Variants in ZBTB7A observed in about 807,000 individuals in gnomAD.
ZBTB7A encodes zinc finger and BTB domain containing 7A, also known as zinc finger and BTB domain-containing protein 7A.
Under a neutral mutation model 26.7 loss-of-function variants are expected in ZBTB7A, and 7 were observed. The observed-to-expected ratio is 0.26, with a 90% CI of 0.15 to 0.49. The LOEUF is 0.49. Ranked by LOEUF, ZBTB7A falls within the 20% of genes least tolerant of loss-of-function variation. The pLI is 0.98. For synonymous variants in ZBTB7A, 452 were observed against 441.0 expected (o/e 1.02, Z -0.31); for missense variants, 617 against 919.5 (o/e 0.67, Z 4.25).
At position 4,054,946 on chromosome 19, in the gene ZBTB7A, G is replaced by A. The variant is rs1381697063; in HGVS notation, c.287C>T (p.Thr96Met). 1 of 1,611,832 alleles carries A rather than the reference G, an allele frequency of 6.2e-7. No individual in the cohort carries two copies. Among genetic ancestry groups the A allele is most frequent in the Non-Finnish European group, 8.5e-7 (1 of 1,179,720 alleles). ...TALMDFAYTA[T>M]LTVSTANVGD... ...CACGTTGGCTGTGCTGACGGTGAGC[G>A]TGGCCGTGTAGGCGAAGTCCATGAG... The change falls in exon 2 of 3, where the codon ACG (threonine) becomes ATG (methionine). Residue 96 changes from threonine to methionine, a missense_variant. Coordinates refer to ENST00000322357, the MANE Select transcript of ZBTB7A (RefSeq NM_015898.4).
rs548955469 is a variant in ZBTB7A at position 4,050,851 on chromosome 19, C to T, written c.1263-2607G>A. ...TGGTGGCTCACACCTGTAACCCCAG[C>T]GCTTTGGGAGGCTAAGGCGGGCAGA... On this transcript the variant is annotated intron_variant, in intron 2 of 2. Transcript: ENST00000322357. Among the ~76,000 whole-genome samples, 5 of 152,100 alleles carry T rather than the reference C, an allele frequency of 3.3e-5. No individual in the cohort carries two copies. In the South Asian group the frequency reaches 6.2e-4, roughly 19 times the overall value.
At position 4,043,847 on chromosome 19, in the gene ZBTB7A, C is replaced by T. The variant is rs1196888722; in HGVS notation, c.*3905G>A. Among the ~76,000 whole-genome samples, 1 of 122,018 alleles carries T rather than the reference C, an allele frequency of 8.2e-6. No individual in the cohort carries two copies. Among genetic ancestry groups the T allele is most frequent in the Non-Finnish European group, 1.8e-5 (1 of 56,550 alleles). The allele number at this position is 122,018 out of a possible 152,430, so 80.0% of individuals were successfully genotyped here. A position where few individuals can be genotyped will look rare whatever the true frequency, so the allele number is the denominator to read the frequency against. On this transcript the variant is annotated 3_prime_UTR_variant, in exon 3 of 3. Coordinates refer to ENST00000322357, the MANE Select transcript of ZBTB7A (RefSeq NM_015898.4). The stretch of plus-strand genomic sequence containing the variant: ...CGTCCTGCGCCAGCCACCCACCACC[C>T]CCCCCCCCCCACCTCCAGGAAGGCT...
intron 1 of ZBTB7A, 190 bp from the exon 2 acceptor site, chr19:4,055,437 A>G: frequency 1.0e-6 from 1 of 985,280 alleles, no homozygotes; most frequent in Admixed American, 6.1e-5. Flanking sequence ...TGTGCACCAA[A>G]GCGATACATG....
intron 2 of ZBTB7A, among the ~76,000 whole-genome samples, chr19:4,051,318 A>G (rs2040502532): frequency 6.6e-6 from 1 of 151,948 alleles, no homozygotes; most frequent in Non-Finnish European, 1.5e-5. Context: ...CACTCAATAG[A>G]CTGAAGACTT....
At position 4,055,083 on chromosome 19, in the gene ZBTB7A, C is replaced by T. The variant is rs751772937; in HGVS notation, c.150G>A (p.Ser50=). 1.2e-6 allele frequency: 2 copies of T among 1,610,062 alleles called. No individual in the cohort carries two copies. Among genetic ancestry groups the T allele is most frequent in the Non-Finnish European group, 1.7e-6 (2 of 1,179,676 alleles). The change falls in exon 2 of 3, where the codon TCG becomes TCA. Residue 50 remains serine (S), a synonymous_variant. Transcript: ENST00000322357. ...VEGREFPTHR[S]VLAACSQYFK... The stretch of plus-strand genomic sequence containing the variant: ...AGTACTGGCTGCAGGCGGCCAGCAC[C>T]GAGCGGTGCGTGGGGAACTCGCGGC...
chr19:4,050,360 C>T (rs767561206), intron 2 of ZBTB7A, among the ~76,000 whole-genome samples: 29 of 152,320 alleles, frequency 1.9e-4, no homozygotes, highest in Admixed American at 3.9e-4. Flanking sequence ...CGCGCCCGGC[C>T]GGTCTCTCTT....
chr19:4,045,746 G>C lies in ZBTB7A; in HGVS notation c.*2006C>G, dbSNP rs1296710449. 1.0e-5 allele frequency: 4 copies of C among 397,054 alleles called. No individual in the cohort carries two copies. Among genetic ancestry groups the C allele is most frequent in the Non-Finnish European group, 1.8e-5 (4 of 225,558 alleles). The allele number at this position is 397,054 out of a possible 1,614,324, so 24.6% of individuals were successfully genotyped here. On this transcript the variant is annotated 3_prime_UTR_variant, in exon 3 of 3. Coordinates refer to ENST00000322357, the MANE Select transcript of ZBTB7A (RefSeq NM_015898.4). This position sits in a 1 kb window ranked among gnomAD's most constrained non-coding sequence, Gnocchi z 4.1. ...TATGCAAACGGGGTGAGGGCGTCCT[G>C]GCATCTGGCGACATAGTCTCCCCAA...
In ZBTB7A at chr19:4,054,809, G is replaced by T; in HGVS notation, c.424C>A (p.Gln142Lys). The T allele has an allele frequency of 6.3e-7, 1 of 1,593,494 alleles. No homozygotes were observed. Among genetic ancestry groups the T allele is most frequent in the Non-Finnish European group, 8.5e-7 (1 of 1,169,900 alleles). Reference protein sequence around the residue: ...LAADAGADAGQLDLVDQIDQR... With the variant: ...LAADAGADAGKLDLVDQIDQR... Reference sequence around the variant, plus strand: ...TCAATTTGATCTACAAGGTCCAGCTGCCCGGCGTCGGCGCCCGCGTCGGCC... The same window carrying T: ...TCAATTTGATCTACAAGGTCCAGCTTCCCGGCGTCGGCGCCCGCGTCGGCC... Residue 142 changes from glutamine to lysine, a missense_variant, in exon 2 of 3, where the codon CAG (glutamine) becomes AAG (lysine). Transcript: ENST00000322357.
At chr19:4,055,361 C>T in intron 1 of ZBTB7A, 114 bp from the exon 2 acceptor site, 1 of 1,401,472 alleles carries the variant, frequency 7.1e-7, no homozygotes, top group Non-Finnish European at 9.2e-7. Context: ...CTCCCCCAGC[C>T]TCACATTCCC....
At chr19:4,064,810 A>T (rs1476767527) in intron 1 of ZBTB7A, among the ~76,000 whole-genome samples, 1 of 151,918 alleles carries the variant, frequency 6.6e-6, no homozygotes, top group African/African-American at 2.4e-5. Flanking sequence ...CTGGGGGGAG[A>T]GGAGTTGCTG....
Position 4,043,729 on chromosome 19 carries a change from C to CCA in ZBTB7A, c.*4022_*4023insTG. Among the ~76,000 whole-genome samples, 1 of 119,510 alleles carries CCA rather than the reference C, an allele frequency of 8.4e-6. No homozygotes were observed. Among genetic ancestry groups the CCA allele is most frequent in the East Asian group, 2.9e-4 (1 of 3,392 alleles). 78.4% of individuals were successfully genotyped at this position (119,510 alleles called of 152,430 possible). On this transcript the variant is annotated 3_prime_UTR_variant, in exon 3 of 3. Coordinates refer to ENST00000322357, the MANE Select transcript of ZBTB7A (RefSeq NM_015898.4). ...CCACCCCCTGGGCCCGGCCCCCCCC[C>CCA]CCCCCCCCCGTAAATCTATGTATTT...
rs2040541363 is a variant in ZBTB7A at position 4,054,188 on chromosome 19, T to A, written c.1045A>T (p.Met349Leu). The A allele has an allele frequency of 1.3e-6, 2 of 1,595,346 alleles. No homozygotes were observed. The highest frequency in any genetic ancestry group is 1.1e-5 in the South Asian group (1 of 90,774). ...EESRADDKGV[M>L]DYYLKYFSGA... ...CTGAAGTACTTCAGGTAGTAGTCCA[T>A]GACGCCCTTGTCGTCGGCCCGCGAC... Residue 349 changes from methionine (M) to leucine (L), a missense_variant, in exon 2 of 3, where the codon ATG (methionine) becomes TTG (leucine). Physicochemically the swap from Met to Leu is conservative, Grantham distance 15. Transcript: ENST00000322357.
At chr19:4,063,806 C>A (rs1160987854) in intron 1 of ZBTB7A, among the ~76,000 whole-genome samples, 1 of 152,204 alleles carries the variant, frequency 6.6e-6, no homozygotes, top group Non-Finnish European at 1.5e-5. Context: ...CCTTGGGCCG[C>A]TCTCTGCTTC....
chr19:4,066,472 C>T (rs938514554), intron 1 of ZBTB7A, among the ~76,000 whole-genome samples: 1 of 151,660 alleles, frequency 6.6e-6, no homozygotes, highest in Admixed American at 6.6e-5. Flanking sequence ...CCCAATCCCC[C>T]CTTCCCGGGC....
At chr19:4,059,690 CG>C in intron 1 of ZBTB7A, among the ~76,000 whole-genome samples, 1 of 152,202 alleles carries the variant, frequency 6.6e-6, no homozygotes. Flanking sequence ...AAACTAAACT[CG>C]CTCTGAGACA....
At chr19:4,061,188 T>G (rs2040634246) in intron 1 of ZBTB7A, among the ~76,000 whole-genome samples, 1 of 152,182 alleles carries the variant, frequency 6.6e-6, no homozygotes, top group Admixed American at 6.5e-5. Flanking sequence ...GGATGGGAAC[T>G]TTGCTCCTGA....
At chr19:4,053,607 ATG>A (rs1286627218) in intron 2 of ZBTB7A, among the ~76,000 whole-genome samples, 3 of 134,902 alleles carry the variant, frequency 2.2e-5, no homozygotes, top group Non-Finnish European at 4.7e-5. Context: ...GTGCATGTGT[ATG>A]TGATGTGTAT....
intron 1 of ZBTB7A, among the ~76,000 whole-genome samples, chr19:4,057,834 G>A (rs1025267329): frequency 1.3e-5 from 2 of 150,500 alleles, no homozygotes; most frequent in African/African-American, 4.9e-5. Context: ...CTTCCCGCCA[G>A]TTCCACCCGA....
chr19:4,064,988 TG>T (rs1191087120), intron 1 of ZBTB7A, among the ~76,000 whole-genome samples: 1 of 151,194 alleles, frequency 6.6e-6, no homozygotes, highest in East Asian at 2.0e-4. Flanking sequence ...GCCCGGTCCC[TG>T]GGGGGGCACC....
Sources: gnomAD v4.1 joint callset for allele counts (sites outside exome capture counted in the v4.1 genomes callset) on GRCh38, gnomAD v4.1.1 for gene constraint, Gnocchi (gnomAD v3.1) non-coding constraint, MANE v1.5 for transcripts, NCBI Gene and HGNC (gene_info 2026-07-23, HGNC 2026-07-21) for gene names.